LNPEP: variants seen among roughly 807,000 people sequenced by gnomAD.
The protein encoded by LNPEP is leucyl-cystinyl aminopeptidase.
In LNPEP, 64 loss-of-function variants were observed where a neutral mutation model predicts 120.6. The observed-to-expected ratio is 0.53, with a 90% CI of 0.43 to 0.65. The LOEUF is 0.65. Among genes scored for constraint, LNPEP ranks in the 30% least tolerant of loss-of-function variants. The pLI is 0.00. For missense variants in LNPEP, 1,057 were observed against 1,200.0 expected, an observed-to-expected ratio of 0.88 and a Z score of 1.76; for synonymous variants, 435 against 425.4, an observed-to-expected ratio of 1.02 and a Z score of -0.28.
chr5:97,028,470 A>G lies in LNPEP; in HGVS notation c.3015A>G (p.Glu1005=), dbSNP rs779439971. 6 of 1,614,014 alleles carry G rather than the reference A, an allele frequency of 3.7e-6. No individual in the cohort carries two copies. Among genetic ancestry groups the G allele is most frequent in the East Asian group, 4.5e-5 (2 of 44,888 alleles). ...FRLRCVQEAL[E]VIQLNIQWME... ...TTCGTTGTGTCCAGGAGGCTTTGGA[A>G]GTCATTCAGTTGAATATCCAGTGGA... is the stretch of plus-strand genomic sequence containing the variant. The change falls in exon 18 of 18, where the codon GAA becomes GAG. Residue 1005 remains glutamate (E), a synonymous_variant. Coordinates refer to ENST00000231368, the MANE Select transcript of LNPEP (RefSeq NM_005575.3).
chr5:96,966,615 G>A (rs999599933), intron 1 of LNPEP, among the ~76,000 whole-genome samples: 32 of 147,610 alleles, frequency 2.2e-4, no homozygotes, highest in African/African-American at 7.4e-4. Flanking sequence ...AGTATATGTC[G>A]GAACCTCAGT....
rs1466330669 is a variant in LNPEP, at chr5:96,979,641, C to G, written c.523C>G (p.Leu175Val). The G allele has an allele frequency of 1.9e-6, 3 of 1,614,106 alleles. No homozygotes were observed. In the Admixed American group the frequency reaches 5.0e-5, roughly 27 times the overall value. The change falls in exon 2 of 18, where the codon CTA becomes GTA. Residue 175 changes from leucine to valine, a missense_variant. By Grantham distance (32) the Leu-to-Val change is conservative. Transcript: ENST00000231368. ...CAGGCTTCCCACTGCCGTTGTGCCA[C>G]TACGCTATGAACTCAGCCTACACCC... is the stretch of plus-strand genomic sequence containing the variant. Reference protein sequence around the residue: ...QIRLPTAVVPLRYELSLHPNL... With the variant: ...QIRLPTAVVPVRYELSLHPNL...
chr5:96,985,854 C>T (rs958567539), intron 3 of LNPEP, among the ~76,000 whole-genome samples: 1 of 151,436 alleles, frequency 6.6e-6, no homozygotes, highest in Non-Finnish European at 1.5e-5. Flanking sequence ...AGCAGCCATA[C>T]CCAGCAGGCT....
At chr5:96,942,705 C>T (rs1424232937) in intron 1 of LNPEP, among the ~76,000 whole-genome samples, 2 of 125,084 alleles carry the variant, frequency 1.6e-5, no homozygotes, top group East Asian at 2.3e-4. Flanking sequence ...TGGGGAACAC[C>T]ACACACTGGG....
chr5:97,010,986 C>T, intron 11 of LNPEP: 3 of 985,322 alleles, frequency 3.0e-6, no homozygotes, highest in Non-Finnish European at 3.6e-6. Context: ...GTTGTGTCAT[C>T]TCGATGACAG....
At chr5:96,986,516 TG>T (rs1790248026) in intron 3 of LNPEP, 22 bp from the exon 4 acceptor site, 2 of 1,605,958 alleles carry the variant, frequency 1.2e-6, no homozygotes, top group African/African-American at 2.7e-5. Flanking sequence ...GTTACAGAAC[TG>T]TCTTTTCCCC....
chr5:96,984,292 G>A (rs1790191765), intron 2 of LNPEP, among the ~76,000 whole-genome samples: 1 of 152,186 alleles, frequency 6.6e-6, no homozygotes, highest in African/African-American at 2.4e-5. Flanking sequence ...ACGTGTAAGT[G>A]TGCATTTCTC....
intron 8 of LNPEP, among the ~76,000 whole-genome samples, 192 bp from the exon 9 acceptor site, chr5:97,003,223 C>T (rs550380083): frequency 8.0e-4 from 121 of 152,186 alleles, no homozygotes; most frequent in Middle Eastern, 6.8e-3. Context: ...TTTTCAAATC[C>T]TTTAAAATAA....
At chr5:96,936,818 TTCAG>T (rs1170582103) in intron 1 of LNPEP, 3 of 124,810 alleles carry the variant, frequency 2.4e-5, no homozygotes, top group Non-Finnish European at 3.7e-5. Context: ...ACATCAGTTT[TTCAG>T]TCAAAGACTT....
At chr5:96,993,763 T>A in intron 5 of LNPEP, 54 bp from the exon 6 acceptor site, 2 of 1,517,116 alleles carry the variant, frequency 1.3e-6, no homozygotes, top group Non-Finnish European at 1.8e-6. Flanking sequence ...ATACTTTGAG[T>A]AGAAAATGCC....
At chr5:96,967,496 C>G (rs1409951072) in intron 1 of LNPEP, among the ~76,000 whole-genome samples, 1 of 151,932 alleles carries the variant, frequency 6.6e-6, no homozygotes, top group Non-Finnish European at 1.5e-5. Flanking sequence ...AATTATCAAC[C>G]AGCTTTGAGG....
intron 1 of LNPEP, among the ~76,000 whole-genome samples, chr5:96,960,530 A>T (rs561662602): frequency 1.3e-5 from 2 of 152,332 alleles, no homozygotes; most frequent in Non-Finnish European, 2.9e-5. Context: ...GGCGGGTTTC[A>T]TTCTCTACCT....
Position 97,028,568 on chromosome 5 carries a change from A to T in LNPEP, c.*35A>T. On this transcript the variant is annotated 3_prime_UTR_variant, in exon 18 of 18. Transcript: ENST00000231368. Reference sequence around the variant, plus strand: ...CCGCACCTCATTTTGTTGCCCATTCAGAGAGCTTGTAAGCTTGGGCTCTGC... The same window carrying T: ...CCGCACCTCATTTTGTTGCCCATTCTGAGAGCTTGTAAGCTTGGGCTCTGC... 1 of 1,609,542 alleles carries T rather than the reference A, an allele frequency of 6.2e-7. No homozygotes were observed. Among genetic ancestry groups the T allele is most frequent in the Non-Finnish European group, 8.5e-7 (1 of 1,177,574 alleles).
chr5:97,005,070 C>T (rs1166431262), intron 9 of LNPEP, among the ~76,000 whole-genome samples: 1 of 152,134 alleles, frequency 6.6e-6, no homozygotes, highest in African/African-American at 2.4e-5. Context: ...TTTAGGCAAG[C>T]TTATTTTCTT....
intron 1 of LNPEP, among the ~76,000 whole-genome samples, chr5:96,951,993 C>CT (rs1046118131): frequency 1.3e-5 from 2 of 151,990 alleles, no homozygotes; most frequent in Non-Finnish European, 2.9e-5. Flanking sequence ...TTAGAATCTC[C>CT]TTTACACTCT....
chr5:96,972,433 C>A (rs1327778487), intron 1 of LNPEP, among the ~76,000 whole-genome samples: 1 of 152,064 alleles, frequency 6.6e-6, no homozygotes, highest in Non-Finnish European at 1.5e-5. Flanking sequence ...ACTGCTTGAC[C>A]TCTAGTATTT....
At chr5:96,984,902 G>A (rs1347705361) in intron 2 of LNPEP, among the ~76,000 whole-genome samples, 178 bp from the exon 3 acceptor site, 2 of 152,094 alleles carry the variant, frequency 1.3e-5, no homozygotes, top group African/African-American at 2.4e-5. Context: ...TTCATTGTTA[G>A]GACATGACTT....
intron 11 of LNPEP, 67 bp from the exon 12 acceptor site, chr5:97,013,581 C>A: frequency 1.2e-6 from 1 of 830,386 alleles, no homozygotes; most frequent in Non-Finnish European, 1.8e-6. Context: ...AAACAAAGCA[C>A]TCATAATTTT....
chr5:97,020,521 G>A (rs183437314), intron 13 of LNPEP, among the ~76,000 whole-genome samples: 4 of 152,042 alleles, frequency 2.6e-5, no homozygotes, highest in Non-Finnish European at 4.4e-5. Context: ...ACCTAAAAAC[G>A]GCCAGGTATG....
Sources: gnomAD v4.1 joint callset for allele counts (sites outside exome capture counted in the v4.1 genomes callset) on GRCh38, gnomAD v4.1.1 for gene constraint, MANE v1.5 for transcripts, NCBI Gene and HGNC (gene_info 2026-07-23, HGNC 2026-07-21) for gene names.